LPP: variants seen among roughly 807,000 people sequenced by gnomAD.
The protein encoded by LPP is lipoma-preferred partner.
LPP carries 38 observed loss-of-function variants against 60.4 expected under a neutral mutation model. The observed-to-expected ratio is 0.63, with a 90% CI of 0.49 to 0.83. LPP has a LOEUF of 0.83. Among genes scored for constraint, LPP ranks in the 40% least tolerant of loss-of-function variants. The pLI is 0.00. For missense variants in LPP, 902 were observed against 783.6 expected, an observed-to-expected ratio of 1.15 and a Z score of -1.80; for synonymous variants, 328 against 290.8, an observed-to-expected ratio of 1.13 and a Z score of -1.30.
At chr3:188,757,788 G>C (rs1042811930) in intron 8 of LPP, among the ~76,000 whole-genome samples, 1 of 150,042 alleles carries the variant, frequency 6.7e-6, no homozygotes, top group Non-Finnish European at 1.5e-5. Context: ...TCCCTAATTC[G>C]TTTTCTGCAA....
At chr3:188,225,907 T>C (rs1439725607) in intron 2 of LPP, among the ~76,000 whole-genome samples, 1 of 152,228 alleles carries the variant, frequency 6.6e-6, no homozygotes, top group Non-Finnish European at 1.5e-5. Context: ...AAAATGTCAC[T>C]GAACAGTGTT....
chr3:188,497,040 A>G (rs1220605975), intron 5 of LPP, among the ~76,000 whole-genome samples: 1 of 151,922 alleles, frequency 6.6e-6, no homozygotes. Context: ...CAGGATTGAT[A>G]CAAGAATGAG....
In LPP at chr3:188,179,320, C is replaced by T. The variant is rs567564171; in HGVS notation, c.-190+25068C>T. On this transcript the variant is annotated intron_variant, in intron 1 of 11. Coordinates refer to ENST00000617246, the MANE Select transcript of LPP (RefSeq NM_001375462.1). ...CGTGCATGTGCCTCTGATGAGCAGC[C>T]CTTCATCACAGCTCTGCGGCCTCCT... 55 of 458,338 alleles carry T rather than the reference C, an allele frequency of 1.2e-4. No homozygotes were observed. In the East Asian group the frequency reaches 1.6e-3, roughly 13 times the overall value. The allele number at this position is 458,338 out of a possible 1,614,324, so 28.4% of individuals were successfully genotyped here.
intron 4 of LPP, among the ~76,000 whole-genome samples, chr3:188,459,397 A>G (rs1313528779): frequency 6.6e-6 from 1 of 152,158 alleles, no homozygotes; most frequent in Non-Finnish European, 1.5e-5. Flanking sequence ...AGAGAGGTAC[A>G]TTATCAAGCT....
chr3:188,402,518 G>A (rs1211427548), intron 3 of LPP, among the ~76,000 whole-genome samples: 1 of 152,166 alleles, frequency 6.6e-6, no homozygotes, highest in Non-Finnish European at 1.5e-5. Flanking sequence ...TTCCACAAAT[G>A]CCAAGATAGT....
intron 7 of LPP, among the ~76,000 whole-genome samples, chr3:188,686,955 A>G (rs1860881451): frequency 6.6e-6 from 1 of 152,198 alleles, no homozygotes; most frequent in Non-Finnish European, 1.5e-5. Flanking sequence ...TAAGACTTCA[A>G]CTTGAGAGAA....
intron 5 of LPP, among the ~76,000 whole-genome samples, chr3:188,515,755 A>G (rs756947026): frequency 1.3e-5 from 2 of 152,228 alleles, no homozygotes; most frequent in Admixed American, 6.5e-5. Context: ...CTGGTTTTGC[A>G]TATTAGAAAA....
chr3:188,276,849 A>G (rs1479513716), intron 2 of LPP, among the ~76,000 whole-genome samples: 1 of 148,582 alleles, frequency 6.7e-6, no homozygotes, highest in Non-Finnish European at 1.5e-5. Context: ...TAGCCTGTAG[A>G]ACTGTGAGCC....
intron 9 of LPP, among the ~76,000 whole-genome samples, chr3:188,865,657 C>T (rs1766385306): frequency 6.7e-6 from 1 of 150,020 alleles, no homozygotes. Context: ...AAACTATGCC[C>T]ATGGGTCAAA....
intron 7 of LPP, among the ~76,000 whole-genome samples, chr3:188,626,258 C>T (rs750468649): frequency 3.9e-5 from 6 of 152,080 alleles, no homozygotes; most frequent in Non-Finnish European, 8.8e-5. Flanking sequence ...TTAGAAAATA[C>T]TACAAATTTC....
At chr3:188,240,172 AT>A (rs1723509932) in intron 2 of LPP, 1 of 184,030 alleles carries the variant, frequency 5.4e-6, no homozygotes, top group Non-Finnish European at 1.2e-5. Context: ...GGTGGGGTTT[AT>A]GTGTAAATGA....
chr3:188,171,849 TTGAAAAGACAGCC>T (rs1313330424), intron 1 of LPP, among the ~76,000 whole-genome samples: 3 of 152,224 alleles, frequency 2.0e-5, no homozygotes, highest in Non-Finnish European at 4.4e-5. Flanking sequence ...TTTGCAGGCC[TTGAAAAGACAGCC>T]TGCATGTTTC....
chr3:188,800,405 C>G (rs1746768769), intron 9 of LPP, among the ~76,000 whole-genome samples: 1 of 151,734 alleles, frequency 6.6e-6, no homozygotes, highest in South Asian at 2.1e-4. Flanking sequence ...GCCACCACGC[C>G]CGGCTAATTT....
chr3:188,464,750 C>T (rs1175222933), intron 4 of LPP, among the ~76,000 whole-genome samples: 1 of 152,062 alleles, frequency 6.6e-6, no homozygotes, highest in Non-Finnish European at 1.5e-5. Context: ...CACTCTATAA[C>T]ACAGCACCTT....
Position 188,774,068 on chromosome 3 carries a change from G to A in LPP, c.1410+13786G>A, listed in dbSNP as rs190420864. On this transcript the variant is annotated intron_variant, in intron 9 of 11. Transcript: ENST00000617246. ...AGGGGGTTTGGAAAATAAGGAATTT[G>A]TGTAGGATTAAAATAGAACTTTGAG... 8.5e-5 allele frequency among the ~76,000 whole-genome samples: 13 copies of A among 152,308 alleles called. No individual in the cohort carries two copies. In the East Asian group the frequency reaches 2.1e-3, roughly 25 times the overall value.
intron 6 of LPP, among the ~76,000 whole-genome samples, chr3:188,549,235 T>C (rs1827424380): frequency 6.6e-6 from 1 of 152,194 alleles, no homozygotes. Flanking sequence ...TTTTAATCAT[T>C]TTATCTTTTT....
At chr3:188,800,523 G>A (rs1323468619) in intron 9 of LPP, among the ~76,000 whole-genome samples, 1 of 152,086 alleles carries the variant, frequency 6.6e-6, no homozygotes, top group Non-Finnish European at 1.5e-5. Flanking sequence ...GGGATTACAG[G>A]CGTGAGCCAC....
At chr3:188,540,442 C>A (rs111652322) in intron 6 of LPP, among the ~76,000 whole-genome samples, 37 of 152,164 alleles carry the variant, frequency 2.4e-4, no homozygotes, top group African/African-American at 8.2e-4. Flanking sequence ...TCATGTTGTT[C>A]AAGATAATGT....
At chr3:188,663,308 C>T (rs1029256737) in intron 7 of LPP, among the ~76,000 whole-genome samples, 2 of 152,146 alleles carry the variant, frequency 1.3e-5, no homozygotes, top group Admixed American at 6.5e-5. Context: ...CATATACAGA[C>T]TCAAGAAAGG....
Sources: gnomAD v4.1 joint callset for allele counts (sites outside exome capture counted in the v4.1 genomes callset) on GRCh38, gnomAD v4.1.1 for gene constraint, MANE v1.5 for transcripts, NCBI Gene and HGNC (gene_info 2026-07-23, HGNC 2026-07-21) for gene names.